The following TATDN1 variants were observed in gnomAD, a reference collection of about 807,000 sequenced individuals.
The protein encoded by TATDN1 is deoxyribonuclease TATDN1.
In TATDN1, 40 loss-of-function variants were observed where a neutral mutation model predicts 46.4. The ratio of observed to expected loss-of-function variants is 0.86; its 90% CI spans 0.67 to 1.12. The LOEUF is 1.12. Among genes scored for constraint, TATDN1 ranks in the 50% most tolerant of loss-of-function variants. The pLI is 0.00. For missense variants in TATDN1, 326 were observed against 348.4 expected (o/e 0.94, Z 0.51); for synonymous variants, 95 against 105.6 (o/e 0.90, Z 0.62).
At chr8:124,504,674 G>A in intron 8 of TATDN1, 1 of 179,418 alleles carries the variant, frequency 5.6e-6, no homozygotes, top group Non-Finnish European at 1.2e-5. Flanking sequence ...AAAAACATGA[G>A]GAAAGCTTAG....
rs939964191 is a variant in TATDN1, at chr8:124,539,068, C to A, written c.-22G>T. 6.2e-7 allele frequency: 1 copy of A among 1,612,246 alleles called. No homozygotes were observed. Among genetic ancestry groups the A allele is most frequent in the Non-Finnish European group, 8.5e-7 (1 of 1,178,396 alleles). ...TCATGACTGCGCATGGAGGACCTCCCCAGCGGAAGCGGAAGTGGCCGCCGG... is the reference window on the plus strand; with the variant it reads ...TCATGACTGCGCATGGAGGACCTCCACAGCGGAAGCGGAAGTGGCCGCCGG... On this transcript the variant is annotated 5_prime_UTR_variant, in exon 1 of 12. Transcript: ENST00000276692.
At chr8:124,494,509 G>A (rs1331666076) in intron 10 of TATDN1, 1 of 152,302 alleles carries the variant, frequency 6.6e-6, no homozygotes, top group South Asian at 2.1e-4. Context: ...GGTATAAGGA[G>A]AGCCTTGACA....
intron 9 of TATDN1, among the ~76,000 whole-genome samples, chr8:124,500,680 T>C (rs1012789127): frequency 7.1e-6 from 1 of 141,452 alleles, no homozygotes; most frequent in African/African-American, 2.6e-5. Context: ...AGACCCTGTC[T>C]CAAAAAAAAA....
At chr8:124,523,138 C>A in intron 1 of TATDN1, 136 bp from the exon 2 acceptor site, 1 of 682,816 alleles carries the variant, frequency 1.5e-6, no homozygotes, top group South Asian at 1.8e-5. Context: ...TACCACTTGT[C>A]AACTACTGTG....
At chr8:124,520,385 C>T (rs1394196357) in intron 3 of TATDN1, among the ~76,000 whole-genome samples, 1 of 150,840 alleles carries the variant, frequency 6.6e-6, no homozygotes, top group African/African-American at 2.4e-5. Context: ...TGCAGTGAGC[C>T]GAGATCGTGC....
chr8:124,495,190 T>C, intron 10 of TATDN1: 1 of 419,418 alleles, frequency 2.4e-6, no homozygotes, highest in Non-Finnish European at 4.2e-6. Context: ...TCAAGACCCC[T>C]TGTTTAGCTA....
At chr8:124,494,042 A>T in intron 10 of TATDN1, 83 bp from the exon 11 acceptor site, 2 of 1,319,188 alleles carry the variant, frequency 1.5e-6, no homozygotes, top group Non-Finnish European at 2.0e-6. Context: ...ATAACCTCTA[A>T]ATGATAAACC....
intron 1 of TATDN1, among the ~76,000 whole-genome samples, chr8:124,535,863 T>C (rs1403054073): frequency 6.6e-6 from 1 of 152,156 alleles, no homozygotes; most frequent in Admixed American, 6.5e-5. Context: ...GGGGAGCCAG[T>C]GTGAACTCAT....
intron 8 of TATDN1, 127 bp from the exon 9 acceptor site, chr8:124,504,474 G>A (rs1479053438): frequency 1.3e-5 from 6 of 473,146 alleles, no homozygotes; most frequent in Non-Finnish European, 2.2e-5. Flanking sequence ...GGTTTCAAAG[G>A]TGGTAGTCGC....
intron 10 of TATDN1, chr8:124,494,723 AT>A (rs34109803): frequency 0.44 from 60,248 of 137,812 alleles, 12,695 homozygotes; most frequent in South Asian, 0.53. Flanking sequence ...AATTTTTTGT[AT>A]TTTTTTTTTT....
chr8:124,532,992 C>T (rs1821098225), intron 1 of TATDN1, among the ~76,000 whole-genome samples: 1 of 152,164 alleles, frequency 6.6e-6, no homozygotes, highest in Admixed American at 6.5e-5. Context: ...GTGGCTCATG[C>T]CTGTAATCCC....
chr8:124,526,055 C>T (rs1388721231), intron 1 of TATDN1, among the ~76,000 whole-genome samples: 4 of 152,310 alleles, frequency 2.6e-5, no homozygotes, highest in East Asian at 1.9e-4. Context: ...TCTAGACTGA[C>T]GCCAAGTGGC....
At chr8:124,503,835 T>A (rs1435150045) in intron 9 of TATDN1, 1 of 1,098,314 alleles carries the variant, frequency 9.1e-7, no homozygotes, top group Admixed American at 2.3e-5. Flanking sequence ...GGAGAAACTC[T>A]ATACCTGTTT....
chr8:124,517,439 A>G (rs1323965968), intron 4 of TATDN1, among the ~76,000 whole-genome samples: 1 of 152,042 alleles, frequency 6.6e-6, no homozygotes, highest in Non-Finnish European at 1.5e-5. Context: ...AAAAAAAAAA[A>G]AAAGAAAAAG....
intron 9 of TATDN1, among the ~76,000 whole-genome samples, chr8:124,503,278 A>C (rs1818132412): frequency 1.3e-5 from 2 of 152,182 alleles, no homozygotes; most frequent in Non-Finnish European, 2.9e-5. Context: ...AAGAGACAAT[A>C]GTATATGGAT....
At chr8:124,496,463 C>T (rs531271107) in intron 9 of TATDN1, among the ~76,000 whole-genome samples, 101 of 152,270 alleles carry the variant, frequency 6.6e-4, no homozygotes, top group African/African-American at 2.1e-3. Context: ...AATAGTTTCA[C>T]GGTCTTAAAA....
chr8:124,525,252 TCTC>T (rs1465945162), intron 1 of TATDN1, among the ~76,000 whole-genome samples: 1 of 152,022 alleles, frequency 6.6e-6, no homozygotes, highest in Admixed American at 6.5e-5. Flanking sequence ...TTCAAGCAAT[TCTC>T]CTGTCTCAGC....
At chr8:124,523,249 A>C (rs982064766) in intron 1 of TATDN1, 3 of 458,288 alleles carry the variant, frequency 6.5e-6, no homozygotes, top group African/African-American at 6.0e-5. Flanking sequence ...CAATTATGAA[A>C]TATTAGAAGT....
At chr8:124,517,167 C>T (rs1036798901) in intron 4 of TATDN1, among the ~76,000 whole-genome samples, 3 of 152,174 alleles carry the variant, frequency 2.0e-5, no homozygotes, top group African/African-American at 4.8e-5. Context: ...AGGTGGCTTA[C>T]GCCTGTAATC....
Sources: gnomAD v4.1 joint callset for allele counts (sites outside exome capture counted in the v4.1 genomes callset) on GRCh38, gnomAD v4.1.1 for gene constraint, MANE v1.5 for transcripts, NCBI Gene and HGNC (gene_info 2026-07-23, HGNC 2026-07-21) for gene names.